The following TCF12 variants were observed in gnomAD, a reference collection of about 807,000 sequenced individuals.
TCF12 encodes the protein DNA-binding protein HTF4.
In TCF12, 45 loss-of-function variants were observed where a neutral mutation model predicts 86.0. That is an observed-to-expected ratio of 0.52 (90% CI 0.41 to 0.67). TCF12 has a LOEUF of 0.67. TCF12 is among the 30% of genes least tolerant of loss of function. The pLI is 0.00. For synonymous variants in TCF12, 330 were observed against 299.6 expected, an observed-to-expected ratio of 1.10 and a Z score of -1.05; for missense variants, 881 against 859.9, an observed-to-expected ratio of 1.02 and a Z score of -0.31.
Position 56,919,800 on chromosome 15 carries a change from C to G in TCF12, c.-22-92C>G, listed in dbSNP as rs114409025. On this transcript the variant is annotated intron_variant, in intron 1 of 20. Transcript: ENST00000333725. ...GGAAGTCATCCCGGCGCCCCCAGCG[C>G]TCTTGCGTAATCTTCCCCAGTACCT... 3.9e-3 allele frequency: 4,531 copies of G among 1,166,340 alleles called. 91 individuals are homozygous for G. In the African/African-American group the frequency reaches 0.04, roughly 10 times the overall value. 72.2% of individuals were successfully genotyped at this position (1,166,340 alleles called of 1,614,324 possible).
At chr15:57,006,876 A>G (rs1303271809) in intron 3 of TCF12, among the ~76,000 whole-genome samples, 1 of 152,174 alleles carries the variant, frequency 6.6e-6, no homozygotes, top group African/African-American at 2.4e-5. Context: ...AGATCGCACC[A>G]CTGCACTTCA....
intron 3 of TCF12, among the ~76,000 whole-genome samples, chr15:56,983,765 C>T (rs1211622758): frequency 1.3e-5 from 2 of 151,666 alleles, no homozygotes; most frequent in African/African-American, 4.9e-5. Context: ...CTTTGGGAGG[C>T]CAAGGCAGGA....
chr15:57,211,256 G>T (rs1463983888), intron 8 of TCF12, among the ~76,000 whole-genome samples: 1 of 152,034 alleles, frequency 6.6e-6, no homozygotes, highest in Non-Finnish European at 1.5e-5. Context: ...TTACTATTTT[G>T]TTCAAGATAA....
chr15:56,958,678 A>AGAGAGT (rs1198441460), intron 3 of TCF12, among the ~76,000 whole-genome samples: 97 of 142,258 alleles, frequency 6.8e-4, no homozygotes, highest in African/African-American at 2.7e-3. Context: ...AGAGAGAGAG[A>AGAGAGT]GTGTGTGTGT....
At chr15:56,964,047 A>C (rs2061892861) in intron 3 of TCF12, among the ~76,000 whole-genome samples, 1 of 152,208 alleles carries the variant, frequency 6.6e-6, no homozygotes, top group Non-Finnish European at 1.5e-5. Flanking sequence ...CTTGAGGTCA[A>C]ATATATTTTG....
intron 3 of TCF12, among the ~76,000 whole-genome samples, chr15:57,056,599 A>G (rs1596324519): frequency 6.6e-6 from 1 of 152,196 alleles, no homozygotes; most frequent in East Asian, 1.9e-4. Context: ...AGCTGGGACT[A>G]CAGGAGCACA....
intron 19 of TCF12, among the ~76,000 whole-genome samples, chr15:57,277,449 T>C (rs1214957631): frequency 6.6e-6 from 1 of 151,290 alleles, no homozygotes; most frequent in African/African-American, 2.4e-5. Flanking sequence ...GGCAACATGG[T>C]GAAACCCCAT....
rs533614605 is a variant in TCF12, at chr15:57,122,665, G to C, written c.325+30774G>C. 4.6e-5 allele frequency among the ~76,000 whole-genome samples: 7 copies of C among 152,298 alleles called. 1 individual carries two copies. Among genetic ancestry groups the C allele is most frequent in the Admixed American group, 4.6e-4 (7 of 15,300 alleles). The stretch of plus-strand genomic sequence containing the variant: ...TTCTCAGCTTCAAAGAGAACCACCA[G>C]AAGAGCCAATTCATCCCATCATTTT... On this transcript the variant is annotated intron_variant, in intron 5 of 20. Transcript: ENST00000333725.
In TCF12 at chr15:56,937,052, C is replaced by T. The variant is rs570371230; in HGVS notation, c.148+15954C>T. Reference sequence around the variant, plus strand: ...GGAATTGCATTGAATTTGTGGATTGCTTTTGGCAGTATGGTCATTTTCACA... The same window carrying T: ...GGAATTGCATTGAATTTGTGGATTGTTTTTGGCAGTATGGTCATTTTCACA... On this transcript the variant is annotated intron_variant, in intron 3 of 20. Coordinates refer to ENST00000333725, the MANE Select transcript of TCF12 (RefSeq NM_207037.2). 1.4e-4 allele frequency among the ~76,000 whole-genome samples: 21 copies of T among 152,102 alleles called. No homozygotes were observed. The East Asian group carries it at 3.9e-3, about 28-fold the overall frequency.
rs2054260365 is a variant in TCF12, at chr15:57,158,225, G to A, written c.326-8177G>A. Among the ~76,000 whole-genome samples the A allele has an allele frequency of 3.0e-5, 4 of 135,116 alleles. No individual in the cohort carries two copies. In the Admixed American group the frequency reaches 3.3e-4, roughly 11 times the overall value. The allele number at this position is 135,116 out of a possible 152,430, so 88.6% of individuals were successfully genotyped here. On this transcript the variant is annotated intron_variant, in intron 5 of 20. Transcript: ENST00000333725. ...TTTCTTTGAGACAGTATCTCACTCT[G>A]TTGCTTAGGCTGGAATTCAGTGGAC... is the stretch of plus-strand genomic sequence containing the variant.
intron 12 of TCF12, among the ~76,000 whole-genome samples, chr15:57,239,883 G>C (rs1195818311): frequency 6.6e-6 from 1 of 152,146 alleles, no homozygotes; most frequent in Non-Finnish European, 1.5e-5. Context: ...GATGAAAAGA[G>C]ATCCTGTCCA....
At chr15:56,955,422 G>A (rs1335927377) in intron 3 of TCF12, among the ~76,000 whole-genome samples, 2 of 152,002 alleles carry the variant, frequency 1.3e-5, no homozygotes, top group African/African-American at 4.8e-5. Context: ...GGCTGGGGGA[G>A]GGATAGCATT....
intron 5 of TCF12, among the ~76,000 whole-genome samples, chr15:57,137,737 A>C (rs1364187037): frequency 6.6e-6 from 1 of 152,130 alleles, no homozygotes; most frequent in Non-Finnish European, 1.5e-5. Context: ...GAAAGACTTA[A>C]AGAATATTAG....
In TCF12 at chr15:57,247,778, G is replaced by A. The variant is rs1210706623; in HGVS notation, c.1115-3572G>A. 3 of 745,906 alleles carry A rather than the reference G, an allele frequency of 4.0e-6. No individual in the cohort carries two copies. In the East Asian group the frequency reaches 7.3e-5, roughly 18 times the overall value. 46.2% of individuals were successfully genotyped at this position (745,906 alleles called of 1,614,324 possible). A position where few individuals can be genotyped will look rare whatever the true frequency, so the allele number is the denominator to read the frequency against. ...CTTGTGTGGTCTAGCACACCTTGCTGCCTCCACCTCTTCAACACAAGAGTA... is the reference window on the plus strand; with the variant it reads ...CTTGTGTGGTCTAGCACACCTTGCTACCTCCACCTCTTCAACACAAGAGTA... On this transcript the variant is annotated intron_variant, in intron 13 of 20. Coordinates refer to ENST00000333725, the MANE Select transcript of TCF12 (RefSeq NM_207037.2).
At position 57,028,965 on chromosome 15, in the gene TCF12, T is replaced by G. The variant is rs1185074012; in HGVS notation, c.149-34785T>G. Among the ~76,000 whole-genome samples, 4 of 152,118 alleles carry G rather than the reference T, an allele frequency of 2.6e-5. No individual in the cohort carries two copies. The East Asian group carries it at 7.7e-4, about 29-fold the overall frequency. The stretch of plus-strand genomic sequence containing the variant: ...GGTGTGCGCCACCATGCCCAGCTAA[T>G]TTTTTATATTTTTAGTAGAGACGGG... On this transcript the variant is annotated intron_variant, in intron 3 of 20. Coordinates refer to ENST00000333725, the MANE Select transcript of TCF12 (RefSeq NM_207037.2).
intron 9 of TCF12, 51 bp from the exon 10 acceptor site, chr15:57,232,240 A>G: frequency 6.2e-7 from 1 of 1,605,990 alleles, no homozygotes; most frequent in Non-Finnish European, 8.5e-7. Flanking sequence ...ACATCAAAAT[A>G]CAAGAAAATT....
chr15:56,972,525 T>G (rs1261236288), intron 3 of TCF12, among the ~76,000 whole-genome samples: 1 of 152,142 alleles, frequency 6.6e-6, no homozygotes, highest in Non-Finnish European at 1.5e-5. Context: ...TAAAAGAGCA[T>G]CTATACCACA....
At position 57,256,559 on chromosome 15, in the gene TCF12, C is replaced by T. The variant is rs571246242; in HGVS notation, c.1467+3091C>T. Among the ~76,000 whole-genome samples the T allele has an allele frequency of 2.7e-3, 381 of 143,486 alleles. 6 individuals are homozygous for T. The highest frequency in any genetic ancestry group is 3.7e-3 in the Non-Finnish European group (242 of 65,572). 94.1% of individuals were successfully genotyped at this position (143,486 alleles called of 152,430 possible). On this transcript the variant is annotated intron_variant, in intron 16 of 20. Coordinates refer to ENST00000333725, the MANE Select transcript of TCF12 (RefSeq NM_207037.2). ...GGAATCGATTCCCCACCCCCACCCC[C>T]ACCCCGCCCCACCTTGTTTTTGGTC...
chr15:56,941,209 T>C (rs1055016871), intron 3 of TCF12, among the ~76,000 whole-genome samples: 3 of 151,648 alleles, frequency 2.0e-5, no homozygotes, highest in African/African-American at 7.3e-5. Context: ...TACAAAAAAA[T>C]ACAAAAATTA....
Sources: gnomAD v4.1 joint callset for allele counts (sites outside exome capture counted in the v4.1 genomes callset) on GRCh38, gnomAD v4.1.1 for gene constraint, MANE v1.5 for transcripts, NCBI Gene and HGNC (gene_info 2026-07-23, HGNC 2026-07-21) for gene names.